Variants in TNNI3K observed in about 807,000 individuals in gnomAD.
TNNI3K encodes serine/threonine-protein kinase TNNI3K.
TNNI3K carries 140 observed loss-of-function variants against 114.5 expected under a neutral mutation model. That is an observed-to-expected ratio of 1.22 (90% confidence interval 1.07 to 1.41). TNNI3K has a LOEUF of 1.41. TNNI3K is among the 40% of genes most tolerant of loss of function. The pLI, the probability that TNNI3K is intolerant of heterozygous loss-of-function variation, is 0.00. For missense variants in TNNI3K, 1,125 were observed against 1,007.6 expected, an observed-to-expected ratio of 1.12 and a Z score of -1.58; for synonymous variants, 347 against 347.5, an observed-to-expected ratio of 1.00 and a Z score of 0.02.
At chr1:74,453,135 TA>T (rs1403856801) in intron 20 of TNNI3K, among the ~76,000 whole-genome samples, 1 of 152,134 alleles carries the variant, frequency 6.6e-6, no homozygotes, top group Non-Finnish European at 1.5e-5. Context: ...TTAAAAAAGG[TA>T]AAAATGTCCC....
At position 74,250,774 on chromosome 1, in the gene TNNI3K, G is replaced by A. The variant is rs1654881495; in HGVS notation, c.333+5G>A. 5 of 1,603,260 alleles carry A rather than the reference G, an allele frequency of 3.1e-6. No homozygotes were observed. The highest frequency in any genetic ancestry group is 1.7e-4 in the Middle Eastern group (1 of 6,006). ...TTGCATTTAGCAGTTTACAAGGTAGGACACTTTAATTCCCATAAACACTGC... is the reference window on the plus strand; with the variant it reads ...TTGCATTTAGCAGTTTACAAGGTAGAACACTTTAATTCCCATAAACACTGC... On this transcript the variant is annotated splice_donor_5th_base_variant and intron_variant, in intron 4 of 24. Transcript: ENST00000326637.
chr1:74,442,105 T>C (rs1192379611), intron 20 of TNNI3K, among the ~76,000 whole-genome samples: 2 of 151,576 alleles, frequency 1.3e-5, no homozygotes, highest in East Asian at 1.9e-4. Flanking sequence ...ATAAGATCTA[T>C]TTTGAGTTCT....
chr1:74,413,026 G>C (rs557994668), intron 17 of TNNI3K, among the ~76,000 whole-genome samples: 2 of 152,160 alleles, frequency 1.3e-5, no homozygotes, highest in Non-Finnish European at 2.9e-5. Flanking sequence ...GGGTAGAAAA[G>C]AATACAAAAC....
At chr1:74,441,289 G>A (rs1666364358) in intron 20 of TNNI3K, among the ~76,000 whole-genome samples, 1 of 152,008 alleles carries the variant, frequency 6.6e-6, no homozygotes, top group South Asian at 2.1e-4. Context: ...CCTCATTTCT[G>A]TCCGGATAAG....
At chr1:74,436,185 T>A in intron 18 of TNNI3K, 53 bp downstream of exon 18, 6 of 1,599,188 alleles carry the variant, frequency 3.8e-6, no homozygotes, top group Non-Finnish European at 5.1e-6. Flanking sequence ...GCTGGTACAA[T>A]ATGGTGCCTG....
At chr1:74,416,601 C>T (rs1665125500) in intron 17 of TNNI3K, 1 of 965,766 alleles carries the variant, frequency 1.0e-6, no homozygotes, top group Non-Finnish European at 1.2e-6. Context: ...GCTTCTGTTT[C>T]CCCTTCCTCT....
At chr1:74,384,621 T>C (rs1387905642) in intron 17 of TNNI3K, among the ~76,000 whole-genome samples, 1 of 152,178 alleles carries the variant, frequency 6.6e-6, no homozygotes, top group Non-Finnish European at 1.5e-5. Context: ...TGCATTTGAT[T>C]AGTGTTTTCA....
chr1:74,426,612 C>G (rs1250952703), intron 17 of TNNI3K, among the ~76,000 whole-genome samples: 10 of 151,938 alleles, frequency 6.6e-5, no homozygotes, highest in Admixed American at 6.6e-4. Flanking sequence ...TTCCTTTATT[C>G]TCTCCTCTCC....
intron 17 of TNNI3K, among the ~76,000 whole-genome samples, chr1:74,388,786 G>T (rs1286573723): frequency 6.6e-6 from 1 of 151,900 alleles, no homozygotes; most frequent in African/African-American, 2.4e-5. Flanking sequence ...TCAAACTACA[G>T]GTACAGAATC....
chr1:74,473,701 G>A (rs895687446), intron 21 of TNNI3K, among the ~76,000 whole-genome samples: 8 of 151,958 alleles, frequency 5.3e-5, no homozygotes, highest in East Asian at 3.9e-4. Context: ...AAGATCTGCC[G>A]TCAACATTCT....
chr1:74,353,938 T>C, intron 10 of TNNI3K, 42 bp from the exon 11 acceptor site: 1 of 1,574,418 alleles, frequency 6.4e-7, no homozygotes, highest in Non-Finnish European at 8.6e-7. Flanking sequence ...GAGCAGTTTT[T>C]CTTTTTTCTC....
At chr1:74,354,225 A>G in intron 11 of TNNI3K, 96 bp downstream of exon 11, 1 of 1,551,058 alleles carries the variant, frequency 6.4e-7, no homozygotes. Flanking sequence ...GCATGACTTG[A>G]ACACTCTCAT....
At chr1:74,334,515 A>G (rs562923827) in intron 6 of TNNI3K, among the ~76,000 whole-genome samples, 13 of 152,324 alleles carry the variant, frequency 8.5e-5, no homozygotes, top group African/African-American at 3.1e-4. Flanking sequence ...CACTGAGGTG[A>G]CTTTTGAAAT....
At chr1:74,416,507 A>G (rs1022202405) in intron 17 of TNNI3K, 11 of 984,740 alleles carry the variant, frequency 1.1e-5, no homozygotes, top group African/African-American at 1.0e-4. Flanking sequence ...TAGGTGTGAC[A>G]GTGGGAAGGT....
intron 17 of TNNI3K, among the ~76,000 whole-genome samples, chr1:74,392,349 C>T (rs1663832322): frequency 6.6e-6 from 1 of 152,102 alleles, no homozygotes; most frequent in Non-Finnish European, 1.5e-5. Context: ...GGCTTAGGGC[C>T]TGGCAGAGGT....
chr1:74,384,730 A>C (rs1315234008), intron 17 of TNNI3K, among the ~76,000 whole-genome samples: 1 of 152,158 alleles, frequency 6.6e-6, no homozygotes, highest in African/African-American at 2.4e-5. Context: ...AATCAGATTC[A>C]TGTGAACCTG....
chr1:74,484,222 A>AC (rs1668642237), intron 21 of TNNI3K, among the ~76,000 whole-genome samples: 1 of 151,538 alleles, frequency 6.6e-6, no homozygotes, highest in Admixed American at 6.6e-5. Context: ...TAAAAAAAAA[A>AC]AAACAAGGAG....
intron 5 of TNNI3K, among the ~76,000 whole-genome samples, chr1:74,273,351 T>C (rs1446895304): frequency 6.6e-6 from 1 of 151,874 alleles, no homozygotes; most frequent in Non-Finnish European, 1.5e-5. Context: ...TTCACCTAAA[T>C]ATAAATGTTT....
intron 4 of TNNI3K, among the ~76,000 whole-genome samples, chr1:74,270,412 G>T (rs1394176883): frequency 6.6e-6 from 1 of 151,464 alleles, no homozygotes; most frequent in African/African-American, 2.4e-5. Flanking sequence ...GAAAACATAA[G>T]TTTATAGTTC....
Sources: gnomAD v4.1 joint callset for allele counts (sites outside exome capture counted in the v4.1 genomes callset) on GRCh38, gnomAD v4.1.1 for gene constraint, MANE v1.5 for transcripts, NCBI Gene and HGNC (gene_info 2026-07-23, HGNC 2026-07-21) for gene names.